PSMD1: variants seen among roughly 807,000 people sequenced by gnomAD.
PSMD1 encodes the protein 26S proteasome non-ATPase regulatory subunit 1.
A neutral mutation model predicts 119.0 loss-of-function variants in PSMD1; 18 were observed. The observed-to-expected ratio is 0.15, with a 90% CI of 0.10 to 0.22. The LOEUF is 0.22. Ranked by LOEUF, PSMD1 falls within the 10% of genes least tolerant of loss-of-function variation. PSMD1 has a pLI of 1.00. For missense variants in PSMD1, 702 were observed against 1,158.5 expected, an observed-to-expected ratio of 0.61 and a Z score of 5.72; for synonymous variants, 374 against 396.6, an observed-to-expected ratio of 0.94 and a Z score of 0.68.
intron 10 of PSMD1, 38 bp downstream of exon 10, chr2:231,078,785 C>CTTTTT: frequency 1.9e-6 from 1 of 516,616 alleles, no homozygotes; most frequent in East Asian, 4.3e-5. Context: ...GGTTCAAAAT[C>CTTTTT]TTTTTCTTTT....
At chr2:231,125,366 A>G (rs1029600222) in intron 16 of PSMD1, among the ~76,000 whole-genome samples, 1 of 152,206 alleles carries the variant, frequency 6.6e-6, no homozygotes, top group African/African-American at 2.4e-5. Context: ...AAAAAATAAG[A>G]TATAATCTAG....
chr2:231,101,179 G>T (rs1694857661), intron 16 of PSMD1, among the ~76,000 whole-genome samples: 1 of 152,180 alleles, frequency 6.6e-6, no homozygotes, highest in African/African-American at 2.4e-5. Flanking sequence ...TCACCCCCAA[G>T]TAGAGAGCAG....
At chr2:231,132,826 G>A (rs999737242) in intron 16 of PSMD1, among the ~76,000 whole-genome samples, 1 of 152,216 alleles carries the variant, frequency 6.6e-6, no homozygotes, top group Non-Finnish European at 1.5e-5. Flanking sequence ...TATTTCCAGT[G>A]AGAGGTGATA....
At chr2:231,151,521 G>C (rs1696375373) in intron 18 of PSMD1, among the ~76,000 whole-genome samples, 1 of 152,110 alleles carries the variant, frequency 6.6e-6, no homozygotes, top group African/African-American at 2.4e-5. Flanking sequence ...ATATTAGTTA[G>C]ATAAGCCTAT....
intron 10 of PSMD1, among the ~76,000 whole-genome samples, 160 bp downstream of exon 10, chr2:231,078,907 G>C (rs377476859): frequency 1.7e-4 from 24 of 140,180 alleles, no homozygotes; most frequent in East Asian, 1.3e-3. Context: ...CGATTCTCCT[G>C]CCTCAGCCTC....
intron 7 of PSMD1, 106 bp from the exon 8 acceptor site, chr2:231,075,404 TA>T: frequency 1.0e-6 from 1 of 982,698 alleles, no homozygotes; most frequent in Non-Finnish European, 1.5e-6. Context: ...AATACTTTAG[TA>T]AACATTATTT....
intron 19 of PSMD1, among the ~76,000 whole-genome samples, chr2:231,155,874 GGTAAA>G (rs1268396735): frequency 2.0e-5 from 3 of 151,806 alleles, no homozygotes; most frequent in African/African-American, 7.3e-5. Context: ...AAATATTTTA[GGTAAA>G]GTAAACCGTT....
chr2:231,146,024 A>G (rs1696244530), intron 17 of PSMD1, among the ~76,000 whole-genome samples: 1 of 152,086 alleles, frequency 6.6e-6, no homozygotes, highest in Non-Finnish European at 1.5e-5. Context: ...GTAAAAAACT[A>G]AGACACACAT....
intron 16 of PSMD1, among the ~76,000 whole-genome samples, chr2:231,122,619 A>G (rs900451155): frequency 2.0e-5 from 3 of 152,102 alleles, no homozygotes; most frequent in South Asian, 2.1e-4. Flanking sequence ...TGTTTATCCA[A>G]ATTTTATAAC....
intron 14 of PSMD1, among the ~76,000 whole-genome samples, chr2:231,084,247 G>A (rs968091496): frequency 6.6e-6 from 1 of 152,072 alleles, no homozygotes; most frequent in African/African-American, 2.4e-5. Context: ...AGCTACTTGG[G>A]AGCCTGAGGC....
At chr2:231,077,254 CTTTA>C (rs1694190958) in intron 9 of PSMD1, 92 bp downstream of exon 9, 1 of 960,140 alleles carries the variant, frequency 1.0e-6, no homozygotes, top group African/African-American at 1.7e-5. Context: ...TGGATACTTT[CTTTA>C]TTTTATTTCC....
At chr2:231,152,028 G>A (rs1002336787) in intron 18 of PSMD1, among the ~76,000 whole-genome samples, 2 of 151,880 alleles carry the variant, frequency 1.3e-5, no homozygotes, top group African/African-American at 4.8e-5. Flanking sequence ...TGGGCAGGCC[G>A]GTCTCAAACT....
chr2:231,105,041 A>G (rs1340611880), intron 16 of PSMD1, among the ~76,000 whole-genome samples: 1 of 152,228 alleles, frequency 6.6e-6, no homozygotes, highest in African/African-American at 2.4e-5. Flanking sequence ...TACTAAAAAC[A>G]TGTTAGTAAA....
intron 17 of PSMD1, among the ~76,000 whole-genome samples, chr2:231,141,882 T>G (rs936600826): frequency 1.3e-5 from 2 of 151,820 alleles, no homozygotes; most frequent in Admixed American, 6.6e-5. Context: ...ATTTGTTTGT[T>G]TATTTATTTA....
intron 21 of PSMD1, 142 bp from the exon 22 acceptor site, chr2:231,165,037 TATATATATATATATATATATA>T (rs1696736232): frequency 3.6e-3 from 29 of 7,986 alleles, no homozygotes; most frequent in Non-Finnish European, 4.6e-3. Context: ...TATATATTTA[TATATATATATATATATATATA>T]TATATATATA....
chr2:231,078,726 C>T lies in PSMD1; in HGVS notation c.1139C>T (p.Thr380Ile). 1 of 1,591,200 alleles carries T rather than the reference C, an allele frequency of 6.3e-7. No individual in the cohort carries two copies. The highest frequency in any genetic ancestry group is 8.6e-7 in the Non-Finnish European group (1 of 1,167,658). The change falls in exon 10 of 25, where the codon ACA becomes ATA. Residue 380 changes from threonine (T) to isoleucine (I), a missense_variant. Coordinates refer to ENST00000308696, the MANE Select transcript of PSMD1 (RefSeq NM_002807.4). ...GCAAACTCTTTTATGCACTGTGGGA[C>T]AACCAGTGACCAGTTTCTTAGGTAA... is the stretch of plus-strand genomic sequence containing the variant. The part of the protein sequence containing the change: ...VIANSFMHCG[T>I]TSDQFLRDNL...
At chr2:231,150,075 G>A (rs1211180254) in intron 18 of PSMD1, among the ~76,000 whole-genome samples, 1 of 152,216 alleles carries the variant, frequency 6.6e-6, no homozygotes, top group African/African-American at 2.4e-5. Flanking sequence ...GCCAGGCGCA[G>A]TGGCTCACGC....
intron 13 of PSMD1, 149 bp downstream of exon 13, chr2:231,083,143 G>C (rs1694354857): frequency 1.5e-6 from 1 of 684,124 alleles, no homozygotes; most frequent in South Asian, 2.0e-5. Flanking sequence ...ATTTGTCAAA[G>C]TTATCTTTTA....
chr2:231,140,211 G>T (rs1696072484), intron 17 of PSMD1, among the ~76,000 whole-genome samples: 1 of 151,916 alleles, frequency 6.6e-6, no homozygotes, highest in African/African-American at 2.4e-5. Context: ...TATTGGTATT[G>T]TGGGCCAGGC....
Sources: gnomAD v4.1 joint callset for allele counts (sites outside exome capture counted in the v4.1 genomes callset) on GRCh38, gnomAD v4.1.1 for gene constraint, MANE v1.5 for transcripts, NCBI Gene and HGNC (gene_info 2026-07-23, HGNC 2026-07-21) for gene names.